Variants in MTBP observed in about 807,000 individuals in gnomAD.
MTBP encodes the protein MDM2 binding protein.
MTBP carries 101 observed loss-of-function variants against 117.0 expected under a neutral mutation model. The observed-to-expected ratio is 0.86, with a 90% CI of 0.73 to 1.02. The LOEUF is 1.02. MTBP is among the 50% of genes least tolerant of loss of function. The pLI is 0.00. For synonymous variants in MTBP, 350 were observed against 351.5 expected (o/e 1.00, Z 0.05); for missense variants, 970 against 1,030.9 (o/e 0.94, Z 0.81).
chr8:120,506,074 CT>C (rs987694040), intron 15 of MTBP, among the ~76,000 whole-genome samples: 10 of 152,222 alleles, frequency 6.6e-5, no homozygotes, highest in African/African-American at 2.2e-4. Flanking sequence ...CCTATTCCAT[CT>C]TTTTCAAGGA....
At chr8:120,449,358 T>C (rs1813290225) in intron 2 of MTBP, among the ~76,000 whole-genome samples, 1 of 152,162 alleles carries the variant, frequency 6.6e-6, no homozygotes, top group Non-Finnish European at 1.5e-5. Flanking sequence ...TGTTAATAGT[T>C]GCCTGTAAGA....
rs375131015 is a variant in MTBP at position 120,456,569 on chromosome 8, G to A, written c.646G>A (p.Ala216Thr). ...NHCEINCQKIAEYLSANVVSL... is the reference protein window; with the variant it reads ...NHCEINCQKITEYLSANVVSL... ...TTTTTATAGAAACTGTCAGAAAATT[G>A]CAGAATACCTTTCTGCTAATGTTGT... Residue 216 changes from alanine (A) to threonine (T), a missense_variant, in exon 7 of 22, where the codon GCA becomes ACA. Physicochemically the swap from Ala to Thr is moderately conservative, Grantham distance 58. Coordinates refer to ENST00000305949, the MANE Select transcript of MTBP (RefSeq NM_022045.5). The A allele has an allele frequency of 3.9e-6, 6 of 1,558,258 alleles. No individual in the cohort carries two copies. The highest frequency in any genetic ancestry group is 1.2e-5 in the South Asian group (1 of 86,128).
intron 7 of MTBP, among the ~76,000 whole-genome samples, chr8:120,458,413 A>C (rs1422967134): frequency 6.6e-6 from 1 of 152,218 alleles, no homozygotes; most frequent in Admixed American, 6.5e-5. Context: ...AGTAAGCATT[A>C]GCTATCACTG....
chr8:120,465,193 G>A (rs1813661711), intron 10 of MTBP, among the ~76,000 whole-genome samples: 1 of 152,088 alleles, frequency 6.6e-6, no homozygotes, highest in South Asian at 2.1e-4. Flanking sequence ...ATTTTTTGGA[G>A]ATGCTTCCTT....
intron 5 of MTBP, among the ~76,000 whole-genome samples, chr8:120,454,825 A>G (rs1241728922): frequency 2.0e-5 from 3 of 152,058 alleles, no homozygotes; most frequent in African/African-American, 7.2e-5. Flanking sequence ...TATCAAATTT[A>G]TCTCCAGTTT....
At chr8:120,448,417 T>C (rs1421903607) in intron 2 of MTBP, among the ~76,000 whole-genome samples, 2 of 152,200 alleles carry the variant, frequency 1.3e-5, no homozygotes, top group African/African-American at 4.8e-5. Flanking sequence ...GTTTCTTTGG[T>C]GTTTCTTTAT....
intron 1 of MTBP, among the ~76,000 whole-genome samples, 188 bp from the exon 2 acceptor site, chr8:120,446,245 T>A (rs1367946334): frequency 6.6e-6 from 1 of 152,230 alleles, no homozygotes; most frequent in Non-Finnish European, 1.5e-5. Context: ...CATGTACAGA[T>A]CGGGAGCCTT....
At chr8:120,466,585 G>A (rs1029940808) in intron 10 of MTBP, among the ~76,000 whole-genome samples, 1 of 151,550 alleles carries the variant, frequency 6.6e-6, no homozygotes, top group Non-Finnish European at 1.5e-5. Context: ...TTATAACTTG[G>A]GTTTCAGCTG....
In MTBP at chr8:120,506,624, T is replaced by C. The variant is rs1380982197; in HGVS notation, c.1728-82T>C. The C allele has an allele frequency of 8.4e-6, 6 of 714,890 alleles. 1 individual carries two copies. In the East Asian group the frequency reaches 2.1e-4, roughly 25 times the overall value. The allele number at this position is 714,890 out of a possible 1,614,324, so 44.3% of individuals were successfully genotyped here. ...TCTGCTCACATCTTCTTTTCCCGAC[T>C]GTGCTTTTTTTTTTTTTTGACTCTG... On this transcript the variant is annotated intron_variant, in intron 15 of 21. Coordinates refer to ENST00000305949, the MANE Select transcript of MTBP (RefSeq NM_022045.5).
intron 2 of MTBP, among the ~76,000 whole-genome samples, chr8:120,449,297 A>C (rs1353272708): frequency 3.3e-5 from 5 of 152,176 alleles, no homozygotes; most frequent in Non-Finnish European, 7.4e-5. Context: ...GGTGGCATTT[A>C]GTGAGAAAGA....
chr8:120,445,682 T>C, intron 1 of MTBP, 94 bp downstream of exon 1: 1 of 987,990 alleles, frequency 1.0e-6, no homozygotes, highest in Non-Finnish European at 1.5e-6. Context: ...GGGATCAATA[T>C]GTAGTTGTCC....
At position 120,463,769 on chromosome 8, in the gene MTBP, G is replaced by A. The variant is rs1057268643; in HGVS notation, c.1047+8G>A. 6.2e-7 allele frequency: 1 copy of A among 1,608,128 alleles called. No individual in the cohort carries two copies. The highest frequency in any genetic ancestry group is 8.5e-7 in the Non-Finnish European group (1 of 1,176,904). Reference sequence around the variant, plus strand: ...TCTTCTCTGTGTAGCAAGGTATTGAGGGTTTCTTGGGGGTTTTTTGTTTGT... The same window carrying A: ...TCTTCTCTGTGTAGCAAGGTATTGAAGGTTTCTTGGGGGTTTTTTGTTTGT... On this transcript the variant is annotated splice_region_variant and intron_variant, in intron 10 of 21. Transcript: ENST00000305949.
At chr8:120,495,910 C>T (rs7004427) in intron 13 of MTBP, among the ~76,000 whole-genome samples, 31,559 of 151,978 alleles carry the variant, frequency 0.21, 3,442 homozygotes, top group Middle Eastern at 0.27. Context: ...TTGCCTTAGT[C>T]TCTCTTTTGG....
intron 10 of MTBP, among the ~76,000 whole-genome samples, chr8:120,466,368 T>C (rs1813694366): frequency 6.6e-6 from 1 of 151,342 alleles, no homozygotes; most frequent in Non-Finnish European, 1.5e-5. Context: ...TACACCACCA[T>C]GGTTGGCTAA....
At chr8:120,472,690 G>A (rs1563791384) in intron 11 of MTBP, 1 of 152,238 alleles carries the variant, frequency 6.6e-6, no homozygotes. Flanking sequence ...CAAACATATA[G>A]AACTTGAAAC....
chr8:120,463,910 CATATT>C (rs1177584160), intron 10 of MTBP, 149 bp downstream of exon 10: 4 of 628,476 alleles, frequency 6.4e-6, no homozygotes, highest in Admixed American at 2.7e-5. Context: ...GGTCCTAACT[CATATT>C]AAGATACTTT....
At chr8:120,467,907 C>T (rs1015989231) in intron 10 of MTBP, among the ~76,000 whole-genome samples, 1 of 152,162 alleles carries the variant, frequency 6.6e-6, no homozygotes, top group South Asian at 2.1e-4. Context: ...ATGGGTCCCA[C>T]CACATTTATA....
intron 11 of MTBP, among the ~76,000 whole-genome samples, chr8:120,476,489 T>C (rs1359543303): frequency 2.0e-5 from 3 of 152,086 alleles, no homozygotes; most frequent in Non-Finnish European, 4.4e-5. Context: ...GGCAACATGA[T>C]TGTATATTTA....
chr8:120,510,122 A>G (rs1308352410), intron 17 of MTBP, 93 bp downstream of exon 17: 3 of 914,938 alleles, frequency 3.3e-6, no homozygotes, highest in Non-Finnish European at 4.8e-6. Context: ...ATAAATTGAG[A>G]CAGAGACCAA....
Sources: allele counts gnomAD v4.1 joint callset (sites outside exome capture counted in the v4.1 genomes callset), GRCh38; gene constraint gnomAD v4.1.1; transcripts MANE v1.5; gene names NCBI Gene and HGNC (gene_info 2026-07-23, HGNC 2026-07-21).